CTNNA3: variants seen among roughly 807,000 people sequenced by gnomAD.
CTNNA3 encodes the protein catenin alpha-3.
Under a neutral mutation model 95.7 loss-of-function variants are expected in CTNNA3, and 76 were observed. The ratio of observed to expected loss-of-function variants is 0.79; its 90% confidence interval spans 0.66 to 0.96. CTNNA3 has a LOEUF of 0.96. CTNNA3 is among the 40% of genes least tolerant of loss of function. The probability of loss-of-function intolerance (pLI) is 0.00; values close to 1 mark genes in which losing one functional copy is unlikely to be tolerated. For missense variants in CTNNA3, 1,191 were observed against 1,089.8 expected, an observed-to-expected ratio of 1.09 and a Z score of -1.31; for synonymous variants, 431 against 374.4, an observed-to-expected ratio of 1.15 and a Z score of -1.74.
At chr10:66,822,775 C>T (rs533544368) in intron 7 of CTNNA3, among the ~76,000 whole-genome samples, 42 of 152,262 alleles carry the variant, frequency 2.8e-4, no homozygotes, top group African/African-American at 9.6e-4. Context: ...CTTGAACTAT[C>T]CCTCTGCTAG....
chr10:66,181,863 A>C (rs1235848027), intron 13 of CTNNA3, among the ~76,000 whole-genome samples: 3 of 152,240 alleles, frequency 2.0e-5, no homozygotes, highest in Non-Finnish European at 2.9e-5. Context: ...TAATATTTTA[A>C]AAATCCCCAA....
chr10:66,338,229 A>G (rs1237586704), intron 12 of CTNNA3, among the ~76,000 whole-genome samples: 2 of 152,014 alleles, frequency 1.3e-5, no homozygotes, highest in Admixed American at 6.6e-5. Flanking sequence ...ATTCGATTAT[A>G]TAAGATGTCA....
intron 1 of CTNNA3, among the ~76,000 whole-genome samples, chr10:67,745,634 C>T (rs1352352654): frequency 1.3e-5 from 2 of 151,756 alleles, no homozygotes; most frequent in African/African-American, 4.8e-5. Flanking sequence ...ACGCTGTGCA[C>T]ATATACCCTA....
At chr10:66,044,572 C>A (rs1322622778) in intron 15 of CTNNA3, among the ~76,000 whole-genome samples, 1 of 152,046 alleles carries the variant, frequency 6.6e-6, no homozygotes. Flanking sequence ...TCTATGATGA[C>A]TATTCTATGC....
chr10:66,316,727 G>T (rs922228243), intron 12 of CTNNA3, among the ~76,000 whole-genome samples: 2 of 152,018 alleles, frequency 1.3e-5, no homozygotes, highest in African/African-American at 4.8e-5. Context: ...CCCTATCATT[G>T]TTTATAACAA....
intron 13 of CTNNA3, among the ~76,000 whole-genome samples, chr10:66,133,333 G>A (rs1484376051): frequency 6.6e-6 from 1 of 151,950 alleles, no homozygotes; most frequent in Non-Finnish European, 1.5e-5. Flanking sequence ...TGGCCAACAT[G>A]GCGAAACCCC....
rs186682691 is a variant in CTNNA3, at chr10:67,140,274, C to T, written c.1047+40043G>A. On this transcript the variant is annotated intron_variant, in intron 7 of 17. Coordinates refer to ENST00000433211, the MANE Select transcript of CTNNA3 (RefSeq NM_013266.4). ...TTGTAGGTCAATTTTATAAAATTCT[C>T]TTTTTGAGTGTTATGGTTAATAACA... Among the ~76,000 whole-genome samples the T allele has an allele frequency of 3.0e-4, 46 of 152,124 alleles. 1 individual carries two copies. Among genetic ancestry groups the T allele is most frequent in the Admixed American group, 1.2e-3 (18 of 15,280 alleles).
At chr10:66,219,072 A>G (rs2088747475) in intron 13 of CTNNA3, among the ~76,000 whole-genome samples, 1 of 152,196 alleles carries the variant, frequency 6.6e-6, no homozygotes, top group Non-Finnish European at 1.5e-5. Flanking sequence ...TTATCTCTTG[A>G]GTTTACAGGT....
At chr10:66,432,662 G>GAA (rs11424847) in intron 11 of CTNNA3, among the ~76,000 whole-genome samples, 14,224 of 120,202 alleles carry the variant, frequency 0.12, 1,111 homozygotes, top group African/African-American at 0.23. Context: ...CCATCTCACA[G>GAA]AAAAAAAAAA....
intron 12 of CTNNA3, among the ~76,000 whole-genome samples, chr10:66,328,933 T>TACAC (rs767852399): frequency 3.2e-4 from 37 of 115,378 alleles, no homozygotes; most frequent in African/African-American, 6.7e-4. Context: ...TATATATATA[T>TACAC]ACACACACAC....
At chr10:67,684,151 C>T (rs1238352685) in intron 1 of CTNNA3, among the ~76,000 whole-genome samples, 3 of 152,166 alleles carry the variant, frequency 2.0e-5, no homozygotes, top group Non-Finnish European at 2.9e-5. Flanking sequence ...CTGATTGGTC[C>T]GTTTTACAGA....
At chr10:66,378,273 T>C (rs948309672) in intron 12 of CTNNA3, among the ~76,000 whole-genome samples, 3 of 152,218 alleles carry the variant, frequency 2.0e-5, no homozygotes, top group Admixed American at 2.0e-4. Context: ...TCAAATTTCA[T>C]ATTCCATATG....
intron 7 of CTNNA3, among the ~76,000 whole-genome samples, chr10:66,791,130 G>T (rs1268765315): frequency 1.3e-5 from 2 of 152,104 alleles, no homozygotes; most frequent in Admixed American, 1.3e-4. Flanking sequence ...ATTTCTCTTT[G>T]TGTGATACCC....
intron 7 of CTNNA3, among the ~76,000 whole-genome samples, chr10:66,804,808 T>C (rs7076617): frequency 1.3e-5 from 2 of 151,770 alleles, no homozygotes; most frequent in African/African-American, 4.8e-5. Context: ...AGAGTTAACA[T>C]AGCAGGAGTG....
intron 7 of CTNNA3, among the ~76,000 whole-genome samples, chr10:67,065,650 C>A (rs1224588833): frequency 6.6e-6 from 1 of 152,036 alleles, no homozygotes; most frequent in African/African-American, 2.4e-5. Context: ...TTCTCCAGTG[C>A]CTGGTCCTCC....
chr10:67,388,759 C>T (rs1470319886), intron 5 of CTNNA3, among the ~76,000 whole-genome samples: 1 of 152,170 alleles, frequency 6.6e-6, no homozygotes, highest in African/African-American at 2.4e-5. Context: ...CAATATTCAA[C>T]ATTCTTAAAG....
chr10:65,964,891 C>T (rs1172762929), intron 17 of CTNNA3, among the ~76,000 whole-genome samples: 1 of 152,110 alleles, frequency 6.6e-6, no homozygotes, highest in Non-Finnish European at 1.5e-5. Context: ...TCTATACACA[C>T]ATACATGCTG....
At chr10:66,287,202 A>G (rs2091603150) in intron 12 of CTNNA3, among the ~76,000 whole-genome samples, 1 of 152,068 alleles carries the variant, frequency 6.6e-6, no homozygotes, top group South Asian at 2.1e-4. Context: ...GGCTGAAGCA[A>G]GAGGATCACT....
intron 12 of CTNNA3, among the ~76,000 whole-genome samples, chr10:66,313,106 T>G (rs564662641): frequency 6.6e-6 from 1 of 152,316 alleles, no homozygotes; most frequent in South Asian, 2.1e-4. Flanking sequence ...TTTAAAATAA[T>G]AAAACCTATC....
Sources: allele counts gnomAD v4.1 joint callset (sites outside exome capture counted in the v4.1 genomes callset), GRCh38; gene constraint gnomAD v4.1.1; transcripts MANE v1.5; gene names NCBI Gene and HGNC (gene_info 2026-07-23, HGNC 2026-07-21).